Variants in MROH2A observed in about 807,000 individuals in gnomAD.
MROH2A encodes the protein maestro heat like repeat family member 2A.
In MROH2A, 174 loss-of-function variants were observed where a neutral mutation model predicts 200.4. The ratio of observed to expected loss-of-function variants is 0.87; its 90% CI spans 0.77 to 0.98. The LOEUF (loss-of-function observed/expected upper bound fraction) is 0.98, where lower values mean the gene tolerates loss of function less well. Among genes scored for constraint, MROH2A ranks in the 50% least tolerant of loss-of-function variants. MROH2A has a pLI of 0.00. For synonymous variants in MROH2A, 829 were observed against 840.4 expected, an observed-to-expected ratio of 0.99 and a Z score of 0.23; for missense variants, 2,045 against 2,139.6, an observed-to-expected ratio of 0.96 and a Z score of 0.87.
Position 233,820,135 on chromosome 2 carries a change from A to G in MROH2A, c.3512+79A>G, listed in dbSNP as rs1455435693. The G allele has an allele frequency of 2.3e-6, 3 of 1,326,182 alleles. No individual in the cohort carries two copies. Among genetic ancestry groups the G allele is most frequent in the Admixed American group, 2.9e-5 (1 of 34,968 alleles). 82.2% of individuals were successfully genotyped at this position (1,326,182 alleles called of 1,614,324 possible). A position where few individuals can be genotyped will look rare whatever the true frequency, so the allele number is the denominator to read the frequency against. ...AACTCACCACCCCGATGTGTCCCAG[A>G]AGCCTGGAGCCTTGGGCAGTACCCT... On this transcript the variant is annotated intron_variant, in intron 31 of 41. Coordinates refer to ENST00000389758, the MANE Select transcript of MROH2A (RefSeq NM_001394639.1). The surrounding 1 kb of genome is among the most constrained non-coding windows in gnomAD (Gnocchi z 4.1).
In MROH2A at chr2:233,830,723, C is replaced by T. The variant is rs578246615; in HGVS notation, c.4603-686C>T. 2.2e-3 allele frequency among the ~76,000 whole-genome samples: 328 copies of T among 152,280 alleles called. 2 individuals are homozygous for T. Among genetic ancestry groups the T allele is most frequent in the Middle Eastern group, 6.8e-3 (2 of 292 alleles). ...GAGATGCACACTCCCTAGACCTGGG[C>T]TTTGCACTCACCACCCCAGCTTCTG... is the stretch of plus-strand genomic sequence containing the variant. On this transcript the variant is annotated intron_variant, in intron 38 of 41. Coordinates refer to ENST00000389758, the MANE Select transcript of MROH2A (RefSeq NM_001394639.1).
chr2:233,798,753 C>T, intron 11 of MROH2A, 21 bp from the exon 12 acceptor site: 1 of 1,545,402 alleles, frequency 6.5e-7, no homozygotes, highest in Non-Finnish European at 8.8e-7. Flanking sequence ...CCCTCCAGCC[C>T]ACCCAGTTTT....
At position 233,821,000 on chromosome 2, in the gene MROH2A, G is replaced by A. The variant is rs1703899181; in HGVS notation, c.3512+944G>A. ...GATGTGCGGTGCAGCCCTGGGTCAG[G>A]CTGGCGTACTTGGTGGCCACGTCAC... On this transcript the variant is annotated intron_variant, in intron 31 of 41. Coordinates refer to ENST00000389758, the MANE Select transcript of MROH2A (RefSeq NM_001394639.1). This position sits in a 1 kb window ranked among gnomAD's most constrained non-coding sequence, Gnocchi z 4.1. 6.6e-6 allele frequency among the ~76,000 whole-genome samples: 1 copy of A among 152,194 alleles called. No homozygotes were observed. Among genetic ancestry groups the A allele is most frequent in the Non-Finnish European group, 1.5e-5 (1 of 68,028 alleles).
intron 8 of MROH2A, among the ~76,000 whole-genome samples, chr2:233,794,804 C>A (rs529360957): frequency 2.0e-5 from 3 of 152,162 alleles, no homozygotes; most frequent in Admixed American, 2.0e-4. Context: ...ACCACACATG[C>A]GTAGCTTGAA....
chr2:233,826,876 GAAAA>G (rs1185607269), intron 35 of MROH2A, among the ~76,000 whole-genome samples: 1 of 151,912 alleles, frequency 6.6e-6, no homozygotes, highest in Non-Finnish European at 1.5e-5. Context: ...AAATTTACAA[GAAAA>G]AAACAAACAA....
chr2:233,778,760 C>T (rs750063981), intron 1 of MROH2A, among the ~76,000 whole-genome samples: 4 of 152,116 alleles, frequency 2.6e-5, no homozygotes, highest in Non-Finnish European at 4.4e-5. Flanking sequence ...GAAGAGAGGG[C>T]GAGAGGGCTC....
chr2:233,799,506 C>T (rs9808231), intron 12 of MROH2A, among the ~76,000 whole-genome samples: 122,827 of 152,034 alleles, frequency 0.81, 49,946 homozygotes, highest in Non-Finnish European at 0.86. Context: ...GGGCTCCCCA[C>T]GGCAAGGGCT....
Position 233,832,658 on chromosome 2 carries a change from AGT to A in MROH2A, c.4903+17_4903+18del. On this transcript the variant is annotated intron_variant, in intron 41 of 41. Coordinates refer to ENST00000389758, the MANE Select transcript of MROH2A (RefSeq NM_001394639.1). The stretch of plus-strand genomic sequence containing the variant: ...CATTACGGAATTGTGAGTAGTGGAG[AGT>A]GTTAGATGTTGAGTCCACGACTCAC... 6.6e-7 allele frequency: 1 copy of A among 1,518,688 alleles called. No homozygotes were observed. Among genetic ancestry groups the A allele is most frequent in the South Asian group, 1.2e-5 (1 of 83,552 alleles). 94.1% of individuals were successfully genotyped at this position (1,518,688 alleles called of 1,614,324 possible).
chr2:233,832,863 C>T (rs903993645), intron 41 of MROH2A, among the ~76,000 whole-genome samples: 1 of 152,178 alleles, frequency 6.6e-6, no homozygotes. Context: ...CTGTTTCTCC[C>T]ATTCATAGCT....
intron 3 of MROH2A, among the ~76,000 whole-genome samples, chr2:233,780,917 C>T (rs996580571): frequency 6.6e-6 from 1 of 152,100 alleles, no homozygotes; most frequent in Non-Finnish European, 1.5e-5. Flanking sequence ...ACCCTAATAC[C>T]GAAATTCTAC....
chr2:233,800,837 G>A (rs1351042300), intron 14 of MROH2A, among the ~76,000 whole-genome samples: 1 of 138,172 alleles, frequency 7.2e-6, no homozygotes, highest in Non-Finnish European at 1.5e-5. Context: ...GCAACAAAAT[G>A]TGACGTAGCA....
At position 233,819,382 on chromosome 2, in the gene MROH2A, T is replaced by C. The variant is rs1436487412; in HGVS notation, c.3270T>C (p.Thr1090=). The C allele has an allele frequency of 3.2e-6, 5 of 1,550,444 alleles. No individual in the cohort carries two copies. The highest frequency in any genetic ancestry group is 4.4e-6 in the Non-Finnish European group (5 of 1,146,952). The part of the protein sequence containing the change: ...VSLIQKLCEN[T]GAMNLQHDKA... ...TCATCCAGAAGCTCTGCGAGAACACTGGGGCCATGAACCTGCAGCATGACA... is the reference window on the plus strand; with the variant it reads ...TCATCCAGAAGCTCTGCGAGAACACCGGGGCCATGAACCTGCAGCATGACA... Residue 1090 remains threonine, a synonymous_variant, in exon 30 of 42, where the codon ACT becomes ACC. Transcript: ENST00000389758.
chr2:233,803,375 T>C, intron 15 of MROH2A, 73 bp from the exon 16 acceptor site: 8 of 1,509,736 alleles, frequency 5.3e-6, no homozygotes, highest in Non-Finnish European at 7.2e-6. Context: ...GTAAAGTTCC[T>C]AGATGGGGAC....
At position 233,796,299 on chromosome 2, in the gene MROH2A, T is replaced by A. The variant is rs1192702563; in HGVS notation, c.1238T>A (p.Ile413Lys). ...GGGACTCTGAATCTGATTAGGGCTA[T>A]AGTGAGCGCAGATGGTGAGCAAGGC... ...RVGTLNLIRA[I>K]VSADEPRMSI... The change falls in exon 11 of 42, where the codon ATA becomes AAA. Residue 413 changes from isoleucine to lysine, a missense_variant. Coordinates refer to ENST00000389758, the MANE Select transcript of MROH2A (RefSeq NM_001394639.1). The A allele has an allele frequency of 8.0e-7, 1 of 1,253,312 alleles. No homozygotes were observed. The highest frequency in any genetic ancestry group is 2.8e-5 in the Admixed American group (1 of 35,876). The allele number at this position is 1,253,312 out of a possible 1,614,324, so 77.6% of individuals were successfully genotyped here.
At chr2:233,823,116 G>A in intron 34 of MROH2A, 98 bp downstream of exon 34, 1 of 1,329,422 alleles carries the variant, frequency 7.5e-7, no homozygotes, top group Non-Finnish European at 1.0e-6. Context: ...AGTCATGGCT[G>A]AAGGCCTTCT....
In MROH2A at chr2:233,800,235, G is replaced by T. The variant is rs1421389645; in HGVS notation, c.1480G>T (p.Asp494Tyr). 6.5e-7 allele frequency: 1 copy of T among 1,550,100 alleles called. No individual in the cohort carries two copies. The highest frequency in any genetic ancestry group is 1.2e-5 in the South Asian group (1 of 84,010). The change falls in exon 14 of 42, where the codon GAC (aspartate) becomes TAC (tyrosine). Residue 494 changes from aspartate to tyrosine, a missense_variant. This residue lies in a region of MROH2A where 831 missense variants were observed against 800.0 expected (regional missense o/e 1.04). Coordinates refer to ENST00000389758, the MANE Select transcript of MROH2A (RefSeq NM_001394639.1). ...TCGCCGGGAGAAGTTTTATCAGAGG[G>T]ACTTGGAGGAGAGGATGGTCCACAA... ...TNRREKFYQR[D>Y]LEERMVHKVT...
chr2:233,794,494 C>G lies in MROH2A; in HGVS notation c.954C>G (p.Leu318=). The G allele has an allele frequency of 6.6e-7, 1 of 1,524,766 alleles. No homozygotes were observed. The highest frequency in any genetic ancestry group is 8.9e-7 in the Non-Finnish European group (1 of 1,123,578). 94.5% of individuals were successfully genotyped at this position (1,524,766 alleles called of 1,614,324 possible). A position where few individuals can be genotyped will look rare whatever the true frequency, so the allele number is the denominator to read the frequency against. ...AGTACCAGGGCAGTCTGGAGGTGCT[C>G]TTCGTCACGCAGGCGAGTGGCCAGG... ...LAEYQGSLEV[L]FVTQVLRQIL... The change falls in exon 8 of 42, where the codon CTC becomes CTG. Residue 318 remains leucine (L), a synonymous_variant. Coordinates refer to ENST00000389758, the MANE Select transcript of MROH2A (RefSeq NM_001394639.1).
In MROH2A at chr2:233,794,459, C is replaced by G; in HGVS notation, c.919C>G (p.Leu307Val). 1 of 1,550,210 alleles carries G rather than the reference C, an allele frequency of 6.5e-7. No homozygotes were observed. The highest frequency in any genetic ancestry group is 8.7e-7 in the Non-Finnish European group (1 of 1,146,628). ...GCAGGTCTACGACTACATCCCCCTG[C>G]TGCTGGCGGAGTACCAGGGCAGTCT... ...REQVYDYIPL[L>V]LAEYQGSLEV... Residue 307 changes from leucine to valine, a missense_variant, in exon 8 of 42, where the codon CTG (leucine) becomes GTG (valine). Around this residue, in one of 3 missense-constraint regions of MROH2A, gnomAD observed 831 missense variants for 800.0 expected, o/e 1.04. Transcript: ENST00000389758.
At chr2:233,805,880 A>C (rs766588034) in intron 19 of MROH2A, among the ~76,000 whole-genome samples, 2 of 152,220 alleles carry the variant, frequency 1.3e-5, no homozygotes, top group African/African-American at 2.4e-5. Flanking sequence ...AAAAGAATGA[A>C]ATTGGATATC....
Sources: allele counts gnomAD v4.1 joint callset (sites outside exome capture counted in the v4.1 genomes callset), GRCh38; gene constraint gnomAD v4.1.1; regional missense constraint gnomAD v4.1.1; non-coding constraint Gnocchi (gnomAD v3.1); transcripts MANE v1.5; gene names NCBI Gene and HGNC (gene_info 2026-07-23, HGNC 2026-07-21).